Variants in LRCH1 observed in about 807,000 individuals in gnomAD.
The protein encoded by LRCH1 is leucine rich repeats and calponin homology domain containing 1.
In LRCH1, 23 loss-of-function variants were observed where a neutral mutation model predicts 94.9. The ratio of observed to expected loss-of-function variants is 0.24; its 90% confidence interval spans 0.17 to 0.34. The LOEUF (loss-of-function observed/expected upper bound fraction) is 0.34, where lower values mean the gene tolerates loss of function less well. Among genes scored for constraint, LRCH1 ranks in the 10% least tolerant of loss-of-function variants. LRCH1 has a pLI of 1.00. For synonymous variants in LRCH1, 364 were observed against 354.9 expected (o/e 1.03, Z -0.29); for missense variants, 790 against 945.9 (o/e 0.84, Z 2.16).
intron 2 of LRCH1, among the ~76,000 whole-genome samples, chr13:46,668,369 C>T (rs1242837357): frequency 6.6e-6 from 1 of 152,182 alleles, no homozygotes; most frequent in African/African-American, 2.4e-5. Flanking sequence ...CTCTGGGCTG[C>T]AGTTCCACTT....
intron 19 of LRCH1, among the ~76,000 whole-genome samples, chr13:46,737,359 G>A (rs935688784): frequency 2.0e-5 from 3 of 152,230 alleles, no homozygotes; most frequent in South Asian, 4.2e-4. Flanking sequence ...CTTTGCCTCC[G>A]AAAATGTTGG....
intron 2 of LRCH1, among the ~76,000 whole-genome samples, chr13:46,654,101 G>T (rs966208398): frequency 6.6e-6 from 1 of 152,170 alleles, no homozygotes; most frequent in African/African-American, 2.4e-5. Context: ...ATATGTAATT[G>T]TATCTAGAAA....
chr13:46,722,774 A>G (rs551137057), intron 16 of LRCH1, among the ~76,000 whole-genome samples: 103 of 152,380 alleles, frequency 6.8e-4, no homozygotes, highest in African/African-American at 2.3e-3. Flanking sequence ...CTTACAAAAA[A>G]CTTTATGCCA....
intron 17 of LRCH1, among the ~76,000 whole-genome samples, chr13:46,723,592 G>A (rs531929210): frequency 6.6e-6 from 1 of 152,294 alleles, no homozygotes; most frequent in East Asian, 1.9e-4. Context: ...CTTAAGTCCA[G>A]GAGTTTGAGA....
chr13:46,742,237 C>T lies in LRCH1; in HGVS notation c.*389C>T. The T allele has an allele frequency of 9.2e-7, 1 of 1,081,778 alleles. No homozygotes were observed. The highest frequency in any genetic ancestry group is 7.2e-5 in the East Asian group (1 of 13,802). 67.0% of individuals were successfully genotyped at this position (1,081,778 alleles called of 1,614,324 possible). ...AGGGATTTAGCATATGGAAGTCTTT[C>T]CTTTGGGTCAGTATTGAACTAGAAT... On this transcript the variant is annotated 3_prime_UTR_variant, in exon 20 of 20. Coordinates refer to ENST00000389797, the MANE Select transcript of LRCH1 (RefSeq NM_001164211.2).
At chr13:46,653,462 A>G (rs1378950585) in intron 2 of LRCH1, among the ~76,000 whole-genome samples, 2 of 152,220 alleles carry the variant, frequency 1.3e-5, no homozygotes, top group Non-Finnish European at 2.9e-5. Context: ...AAAGCCAGAT[A>G]CTATATATAC....
rs1593365286 is a variant in LRCH1, at chr13:46,705,143, A to G, written c.1476A>G (p.Gln492=). The part of the protein sequence containing the change: ...PMGSAEALEL[Q]DSALNGQIQL... ...GATCAGCAGAAGCCTTAGAATTACA[A>G]GATTCTGCACTGAAGTATGCTTGCC... The change falls in exon 12 of 20, where the codon CAA becomes CAG. Residue 492 remains glutamine (Q), a synonymous_variant. Transcript: ENST00000389797. 2 of 1,608,212 alleles carry G rather than the reference A, an allele frequency of 1.2e-6. No homozygotes were observed. Among genetic ancestry groups the G allele is most frequent in the East Asian group, 2.2e-5 (1 of 44,838 alleles).
At chr13:46,599,055 C>T (rs1044006939) in intron 1 of LRCH1, among the ~76,000 whole-genome samples, 3 of 152,100 alleles carry the variant, frequency 2.0e-5, no homozygotes, top group Non-Finnish European at 2.9e-5. Context: ...AATTTGACTA[C>T]CCTAGGTACC....
rs186679218 is a variant in LRCH1, at chr13:46,750,395, A to G, written c.1981-145A>G. On this transcript the variant is annotated intron_variant, in intron 18 of 18. Coordinates refer to the LRCH1 transcript ENST00000311191. ...AGAAAAGGTCTTTGCAGTAGGTTGA[A>G]AGCAAAGGAAGGAGCTTGGTGTAGG... 1.6e-3 allele frequency: 975 copies of G among 591,380 alleles called. 2 individuals are homozygous for G. The highest frequency in any genetic ancestry group is 2.3e-3 in the Non-Finnish European group (780 of 332,674). 36.6% of individuals were successfully genotyped at this position (591,380 alleles called of 1,614,324 possible). A position where few individuals can be genotyped will look rare whatever the true frequency, so the allele number is the denominator to read the frequency against.
intron 1 of LRCH1, among the ~76,000 whole-genome samples, chr13:46,608,057 G>A (rs58452240): frequency 0.079 from 12,010 of 152,268 alleles, 574 homozygotes; most frequent in Middle Eastern, 0.15. Flanking sequence ...GGACCTGTGG[G>A]GGATGCACTT....
intron 1 of LRCH1, among the ~76,000 whole-genome samples, chr13:46,569,517 C>T (rs181863767): frequency 6.6e-6 from 1 of 152,136 alleles, no homozygotes; most frequent in Non-Finnish European, 1.5e-5. Flanking sequence ...CTGGTTGTAT[C>T]GTGTAGCACC....
intron 1 of LRCH1, among the ~76,000 whole-genome samples, chr13:46,614,253 T>C (rs2050780477): frequency 6.6e-6 from 1 of 152,236 alleles, no homozygotes; most frequent in Non-Finnish European, 1.5e-5. Flanking sequence ...CTTTGATCTA[T>C]ATCTCCCCAT....
intron 1 of LRCH1, among the ~76,000 whole-genome samples, chr13:46,562,143 C>T (rs2050136218): frequency 6.6e-6 from 1 of 152,048 alleles, no homozygotes; most frequent in African/African-American, 2.4e-5. Context: ...TTGGATCTAC[C>T]CTGAAGTTAT....
intron 8 of LRCH1, 137 bp from the exon 9 acceptor site, chr13:46,694,756 A>G (rs567435389): frequency 2.4e-6 from 2 of 834,192 alleles, no homozygotes; most frequent in South Asian, 4.1e-5. Flanking sequence ...GGGAAGAGAA[A>G]ACTTGGGTTT....
intron 1 of LRCH1, among the ~76,000 whole-genome samples, chr13:46,568,357 A>G (rs962944396): frequency 2.0e-5 from 3 of 152,230 alleles, no homozygotes; most frequent in African/African-American, 4.8e-5. Context: ...GATGTGGTAG[A>G]TAACACCTTT....
At chr13:46,663,729 A>G (rs1215219250) in intron 2 of LRCH1, among the ~76,000 whole-genome samples, 1 of 152,212 alleles carries the variant, frequency 6.6e-6, no homozygotes. Context: ...ACAGACAGTA[A>G]TATTCAAATC....
intron 1 of LRCH1, among the ~76,000 whole-genome samples, chr13:46,571,960 G>A (rs570429081): frequency 1.8e-4 from 28 of 152,106 alleles, no homozygotes; most frequent in African/African-American, 5.3e-4. Flanking sequence ...TTTTTTGAAC[G>A]GCGATGCCCA....
At chr13:46,747,355 C>T (rs1426782977), downstream of LRCH1, among the ~76,000 whole-genome samples, 5 of 152,194 alleles carry the variant, frequency 3.3e-5, no homozygotes, top group South Asian at 2.1e-4. Context: ...TTCTGTGAAG[C>T]CCCCAGCCTT....
chr13:46,689,749 G>C (rs1870804691), intron 7 of LRCH1, among the ~76,000 whole-genome samples: 1 of 151,914 alleles, frequency 6.6e-6, no homozygotes, highest in Non-Finnish European at 1.5e-5. Context: ...TTGGATACAA[G>C]TTTGGTTACT....
Sources: allele counts gnomAD v4.1 joint callset (sites outside exome capture counted in the v4.1 genomes callset), GRCh38; gene constraint gnomAD v4.1.1; transcripts MANE v1.5; gene names NCBI Gene and HGNC (gene_info 2026-07-23, HGNC 2026-07-21).